The following HCN1 variants were observed in gnomAD, a reference collection of about 807,000 sequenced individuals.
The protein encoded by HCN1 is hyperpolarization activated cyclic nucleotide gated potassium channel 1.
A neutral mutation model predicts 78.9 loss-of-function variants in HCN1; 13 were observed. The observed-to-expected ratio is 0.16, with a 90% CI of 0.11 to 0.26. The LOEUF (loss-of-function observed/expected upper bound fraction) is 0.26. Ranked by LOEUF, HCN1 falls within the 10% of genes least tolerant of loss-of-function variation. HCN1 has a pLI of 1.00. For missense variants in HCN1, 810 were observed against 1,154.3 expected, an observed-to-expected ratio of 0.70 and a Z score of 4.32; for synonymous variants, 552 against 455.5, an observed-to-expected ratio of 1.21 and a Z score of -2.70.
chr5:45,509,894 A>C (rs1441495223), intron 2 of HCN1, among the ~76,000 whole-genome samples: 1 of 152,254 alleles, frequency 6.6e-6, no homozygotes, highest in East Asian at 1.9e-4. Flanking sequence ...TGATTCCAAA[A>C]ATCATCATGG....
In HCN1 at chr5:45,695,927, G is replaced by A; in HGVS notation, c.167C>T (p.Ser56Phe). 6.8e-7 allele frequency: 1 copy of A among 1,465,624 alleles called. No homozygotes were observed. The highest frequency in any genetic ancestry group is 8.9e-7 in the Non-Finnish European group (1 of 1,118,900). 90.8% of individuals were successfully genotyped at this position (1,465,624 alleles called of 1,614,324 possible). ...GGAGAKEHGNSVCFKVDGGGG... is the reference protein window; with the variant it reads ...GGAGAKEHGNFVCFKVDGGGG... ...ACCGCCGTCCACCTTGAAGCACACG[G>A]AGTTGCCGTGCTCCTTCGCGCCGGC... Residue 56 changes from serine (S) to phenylalanine (F), a missense_variant, in exon 1 of 8, where the codon TCC becomes TTC. Ser to Phe is a radical substitution (Grantham distance 155). This residue lies in a region of HCN1 where 170 missense variants were observed against 166.8 expected (regional missense o/e 1.02). Transcript: ENST00000303230.
intron 4 of HCN1, among the ~76,000 whole-genome samples, chr5:45,363,770 T>C (rs1260163078): frequency 1.3e-5 from 2 of 152,030 alleles, no homozygotes; most frequent in African/African-American, 2.4e-5. Flanking sequence ...CGCTTTTGCT[T>C]CCTCCTCATT....
At chr5:45,582,040 T>A (rs1744088225) in intron 2 of HCN1, among the ~76,000 whole-genome samples, 1 of 152,128 alleles carries the variant, frequency 6.6e-6, no homozygotes, top group South Asian at 2.1e-4. Flanking sequence ...TAAAGTAGGT[T>A]TTTCCAATTC....
intron 5 of HCN1, among the ~76,000 whole-genome samples, chr5:45,314,123 G>A (rs1038223808): frequency 6.6e-6 from 1 of 152,126 alleles, no homozygotes; most frequent in African/African-American, 2.4e-5. Context: ...GAAAGGTCGG[G>A]TTACCCACAA....
intron 2 of HCN1, among the ~76,000 whole-genome samples, chr5:45,483,926 G>A (rs1741707200): frequency 6.6e-6 from 1 of 152,084 alleles, no homozygotes; most frequent in South Asian, 2.1e-4. Context: ...TCAGACGTTT[G>A]TAGGTGTGCA....
chr5:45,444,526 T>C (rs1740745675), intron 3 of HCN1, among the ~76,000 whole-genome samples: 1 of 152,168 alleles, frequency 6.6e-6, no homozygotes, highest in Non-Finnish European at 1.5e-5. Flanking sequence ...AAACCCTTAG[T>C]ATGCTTTACA....
chr5:45,288,028 GT>G, intron 6 of HCN1, among the ~76,000 whole-genome samples: 1 of 152,090 alleles, frequency 6.6e-6, no homozygotes, highest in East Asian at 1.9e-4. Context: ...AGTTTTACAG[GT>G]TTGGAGATAT....
chr5:45,671,971 C>G (rs933781984), intron 1 of HCN1, among the ~76,000 whole-genome samples: 2 of 151,424 alleles, frequency 1.3e-5, no homozygotes, highest in Non-Finnish European at 3.0e-5. Context: ...GTATTAAATC[C>G]TTTAGTTAAA....
intron 2 of HCN1, chr5:45,574,766 C>A (rs1225190355): frequency 2.0e-5 from 3 of 152,152 alleles, no homozygotes; most frequent in Admixed American, 1.3e-4. Flanking sequence ...CTTCAGTGAA[C>A]ACAGGAGTGA....
chr5:45,314,427 G>A lies in HCN1; in HGVS notation c.1378-10588C>T, dbSNP rs189833377. 6.9e-4 allele frequency among the ~76,000 whole-genome samples: 105 copies of A among 152,198 alleles called. 1 individual carries two copies. The East Asian group carries it at 0.012, about 18-fold the overall frequency. On this transcript the variant is annotated intron_variant, in intron 5 of 7. Coordinates refer to ENST00000303230, the MANE Select transcript of HCN1 (RefSeq NM_021072.4). ...AAAAACATGCCACATTGTAAAGACC[G>A]TCAAGGCTAGGAAGAAACTGCATCA...
chr5:45,672,730 A>T (rs1746175693), intron 1 of HCN1, among the ~76,000 whole-genome samples: 1 of 151,420 alleles, frequency 6.6e-6, no homozygotes, highest in Non-Finnish European at 1.5e-5. Context: ...TTAATTGGAG[A>T]GGCTTGTAGC....
chr5:45,370,192 T>C (rs1467770841), intron 4 of HCN1, among the ~76,000 whole-genome samples: 2 of 151,998 alleles, frequency 1.3e-5, no homozygotes, highest in Non-Finnish European at 2.9e-5. Context: ...CAAATAGACA[T>C]AACTTTATAT....
chr5:45,264,667 G>A (rs913255216), intron 7 of HCN1, among the ~76,000 whole-genome samples: 12 of 152,040 alleles, frequency 7.9e-5, no homozygotes, highest in East Asian at 1.9e-4. Flanking sequence ...ACTAACTGCA[G>A]CATACATCTA....
At chr5:45,429,356 G>A (rs1342490604) in intron 3 of HCN1, among the ~76,000 whole-genome samples, 1 of 152,030 alleles carries the variant, frequency 6.6e-6, no homozygotes, top group Non-Finnish European at 1.5e-5. Context: ...TTTATATGGG[G>A]GCTTCTCAAC....
chr5:45,397,753 T>C (rs979613183), intron 3 of HCN1, among the ~76,000 whole-genome samples: 8 of 151,596 alleles, frequency 5.3e-5, no homozygotes, highest in Non-Finnish European at 1.2e-4. Context: ...ATTTTAAAAA[T>C]CAATATTTTA....
chr5:45,469,245 A>G (rs529530694), intron 2 of HCN1, among the ~76,000 whole-genome samples: 3 of 152,100 alleles, frequency 2.0e-5, no homozygotes, highest in African/African-American at 7.2e-5. Context: ...TACCATGCCC[A>G]GGAAAAACGA....
At chr5:45,311,664 G>A (rs904045702) in intron 5 of HCN1, among the ~76,000 whole-genome samples, 5 of 152,112 alleles carry the variant, frequency 3.3e-5, no homozygotes, top group African/African-American at 7.2e-5. Context: ...GGAACAGTTC[G>A]ATATAAAAGT....
intron 2 of HCN1, among the ~76,000 whole-genome samples, chr5:45,522,772 T>C (rs1306334895): frequency 2.6e-5 from 4 of 152,086 alleles, no homozygotes; most frequent in Middle Eastern, 6.8e-3. Context: ...TCCTGCTGCT[T>C]GTTTTCCTAA....
chr5:45,402,687 T>A (rs1279570045), intron 3 of HCN1, among the ~76,000 whole-genome samples: 1 of 152,128 alleles, frequency 6.6e-6, no homozygotes, highest in Non-Finnish European at 1.5e-5. Context: ...ATCTACAGAA[T>A]GTAGAATATT....
Sources: gnomAD v4.1 joint callset for allele counts (sites outside exome capture counted in the v4.1 genomes callset) on GRCh38, gnomAD v4.1.1 for gene constraint, gnomAD v4.1.1 regional missense constraint, MANE v1.5 for transcripts, NCBI Gene and HGNC (gene_info 2026-07-23, HGNC 2026-07-21) for gene names.